WFDC9: variants seen among roughly 807,000 people sequenced by gnomAD.
WFDC9 encodes protein WFDC9.
WFDC9 carries 9 observed loss-of-function variants against 9.5 expected under a neutral mutation model. The ratio of observed to expected loss-of-function variants is 0.95; its 90% CI spans 0.57 to 1.65. The LOEUF (loss-of-function observed/expected upper bound fraction) is 1.65, where lower values mean the gene tolerates loss of function less well. WFDC9 is among the 40% of genes most tolerant of loss of function. The probability of loss-of-function intolerance (pLI) is 0.00; values close to 1 mark genes in which losing one functional copy is unlikely to be tolerated. For synonymous variants in WFDC9, 33 were observed against 32.3 expected, an observed-to-expected ratio of 1.02 and a Z score of -0.07; for missense variants, 87 against 106.7, an observed-to-expected ratio of 0.82 and a Z score of 0.81.
At chr20:45,623,556 G>C (rs1982147938) in intron 1 of WFDC9, among the ~76,000 whole-genome samples, 1 of 151,850 alleles carries the variant, frequency 6.6e-6, no homozygotes, top group Non-Finnish European at 1.5e-5. Context: ...TAACTCAGGG[G>C]GCGGAGGTTG....
Position 45,631,217 on chromosome 20 carries a change from C to G in WFDC9, c.-167G>C. ...AGGGATCCTACCTCTTTTGCTGCCA[C>G]TACAGATGATCATTGAGAGCTCACT... is the stretch of plus-strand genomic sequence containing the variant. On this transcript the variant is annotated 5_prime_UTR_variant, in exon 1 of 5. Coordinates refer to ENST00000326000, the MANE Select transcript of WFDC9 (RefSeq NM_147198.4). The G allele has an allele frequency of 2.1e-6, 1 of 478,908 alleles. No individual in the cohort carries two copies. Among genetic ancestry groups the G allele is most frequent in the Non-Finnish European group, 3.4e-6 (1 of 294,294 alleles). 29.7% of individuals were successfully genotyped at this position (478,908 alleles called of 1,614,324 possible).
chr20:45,612,008 C>T (rs1442563580), intron 2 of WFDC9, among the ~76,000 whole-genome samples: 7 of 152,110 alleles, frequency 4.6e-5, no homozygotes, highest in Non-Finnish European at 2.9e-5. Flanking sequence ...GCCACATAAT[C>T]CCCAGAGCCT....
rs146937574 is a variant in WFDC9 at position 45,610,387 on chromosome 20, C to T, written c.-58-148G>A. ...AGCCAGTGACTTCCCCAGGTTTCTT[C>T]TCATCTCATATTACATACCCCTTCC... On this transcript the variant is annotated intron_variant, in intron 2 of 4. Transcript: ENST00000326000. The T allele has an allele frequency of 5.2e-5, 24 of 462,438 alleles. No individual in the cohort carries two copies. In the East Asian group the frequency reaches 7.3e-4, roughly 14 times the overall value. 28.6% of individuals were successfully genotyped at this position (462,438 alleles called of 1,614,324 possible).
At chr20:45,620,464 C>T (rs974588710) in intron 1 of WFDC9, among the ~76,000 whole-genome samples, 3 of 151,794 alleles carry the variant, frequency 2.0e-5, no homozygotes, top group African/African-American at 7.3e-5. Flanking sequence ...CGGTGGCACA[C>T]ACCTGTAATC....
chr20:45,609,145 C>A (rs1981797881), intron 3 of WFDC9, among the ~76,000 whole-genome samples: 1 of 152,118 alleles, frequency 6.6e-6, no homozygotes, highest in South Asian at 2.1e-4. Context: ...ATTTCCAAAG[C>A]CAATTTGCAG....
chr20:45,610,196 G>GT lies in WFDC9; in HGVS notation c.-16dup. On this transcript the variant is annotated 5_prime_UTR_variant, in exon 3 of 5. Coordinates refer to ENST00000326000, the MANE Select transcript of WFDC9 (RefSeq NM_147198.4). The stretch of plus-strand genomic sequence containing the variant: ...CAGGGCTTCATGGTGCTCTCTGTGT[G>GT]TATTTGGGTTAAGTTCTGGCAGAAG... 1 of 1,612,532 alleles carries GT rather than the reference G, an allele frequency of 6.2e-7. No homozygotes were observed. The highest frequency in any genetic ancestry group is 1.3e-5 in the African/African-American group (1 of 75,004).
At chr20:45,624,815 G>A (rs150348022) in intron 1 of WFDC9, among the ~76,000 whole-genome samples, 59 of 152,248 alleles carry the variant, frequency 3.9e-4, no homozygotes, top group Middle Eastern at 6.8e-3. Context: ...GCATTTCCCC[G>A]ATGATTAGTG....
At chr20:45,612,386 G>A (rs1036840482) in intron 2 of WFDC9, among the ~76,000 whole-genome samples, 5 of 151,888 alleles carry the variant, frequency 3.3e-5, no homozygotes, top group African/African-American at 1.2e-4. Context: ...TCTGGGTATT[G>A]GAATATAGTG....
chr20:45,608,055 C>T lies in WFDC9; in HGVS notation c.*55G>A. The stretch of plus-strand genomic sequence containing the variant: ...TCCCAAGAAGGAAGTAGGCAGCACT[C>T]TTCTTAGACCAGATGGTCATCCTTC... On this transcript the variant is annotated 3_prime_UTR_variant, in exon 5 of 5. Transcript: ENST00000326000. The T allele has an allele frequency of 6.2e-7, 1 of 1,605,400 alleles. No homozygotes were observed. The highest frequency in any genetic ancestry group is 8.5e-7 in the Non-Finnish European group (1 of 1,173,220).
chr20:45,626,916 T>C (rs1433862897), intron 1 of WFDC9, among the ~76,000 whole-genome samples: 1 of 152,222 alleles, frequency 6.6e-6, no homozygotes, highest in Non-Finnish European at 1.5e-5. Flanking sequence ...GGAAAAGTTT[T>C]CAGCTTTTCA....
chr20:45,618,766 G>A (rs954851712), intron 1 of WFDC9, among the ~76,000 whole-genome samples: 1 of 152,062 alleles, frequency 6.6e-6, no homozygotes, highest in Non-Finnish European at 1.5e-5. Flanking sequence ...CAGATATAAT[G>A]ATAAGAATAA....
chr20:45,617,689 A>G (rs1982003100), intron 1 of WFDC9, among the ~76,000 whole-genome samples: 1 of 152,066 alleles, frequency 6.6e-6, no homozygotes, highest in Non-Finnish European at 1.5e-5. Context: ...GGGTCTCACT[A>G]TGTTCCCCAG....
At chr20:45,625,807 C>CTTCTTTTTTTTTTTTTT (rs1982204690) in intron 1 of WFDC9, among the ~76,000 whole-genome samples, 1 of 46,410 alleles carries the variant, frequency 2.2e-5, no homozygotes, top group Non-Finnish European at 3.7e-5. Flanking sequence ...GTTCTCTATT[C>CTTCTTTTTTTTTTTTTT]TTTTTTTTTT....
intron 1 of WFDC9, among the ~76,000 whole-genome samples, chr20:45,624,805 G>A (rs955868947): frequency 2.0e-5 from 3 of 152,146 alleles, no homozygotes; most frequent in African/African-American, 7.2e-5. Context: ...GTTCTCACTT[G>A]CATTTCCCCG....
At chr20:45,620,024 T>C (rs970996417) in intron 1 of WFDC9, among the ~76,000 whole-genome samples, 44 of 151,810 alleles carry the variant, frequency 2.9e-4, no homozygotes, top group African/African-American at 9.4e-4. Context: ...AGACTCTGTC[T>C]CAACAAAAAA....
intron 2 of WFDC9, among the ~76,000 whole-genome samples, chr20:45,610,989 A>G (rs1981848593): frequency 6.6e-6 from 1 of 152,220 alleles, no homozygotes; most frequent in African/African-American, 2.4e-5. Context: ...TGAAGACTTT[A>G]AAGGGTGACT....
chr20:45,629,972 C>A, intron 1 of WFDC9: 2 of 1,576,760 alleles, frequency 1.3e-6, no homozygotes, highest in South Asian at 2.3e-5. Context: ...TGTGTCCAGT[C>A]TGAGTAGGAC....
intron 1 of WFDC9, among the ~76,000 whole-genome samples, chr20:45,618,749 C>A (rs1831446372): frequency 6.6e-6 from 1 of 152,148 alleles, no homozygotes; most frequent in Admixed American, 6.5e-5. Flanking sequence ...GATCATAGAT[C>A]ACCTTACAGA....
chr20:45,625,332 A>C (rs1281195431), intron 1 of WFDC9, among the ~76,000 whole-genome samples: 1 of 152,220 alleles, frequency 6.6e-6, no homozygotes, highest in African/African-American at 2.4e-5. Flanking sequence ...ATTAGAGTTC[A>C]AGATGAGATT....
Sources: allele counts gnomAD v4.1 joint callset (sites outside exome capture counted in the v4.1 genomes callset), GRCh38; gene constraint gnomAD v4.1.1; transcripts MANE v1.5; gene names NCBI Gene and HGNC (gene_info 2026-07-23, HGNC 2026-07-21).